CNTN4: variants seen among roughly 807,000 people sequenced by gnomAD.
The protein encoded by CNTN4 is contactin-4.
Under a neutral mutation model 122.5 loss-of-function variants are expected in CNTN4, and 77 were observed. That is an observed-to-expected ratio of 0.63 (90% CI 0.52 to 0.76). The LOEUF (loss-of-function observed/expected upper bound fraction) is 0.76. CNTN4 is among the 30% of genes least tolerant of loss of function. The pLI, the probability that CNTN4 is intolerant of heterozygous loss-of-function variation, is 0.00. For synonymous variants in CNTN4, 512 were observed against 447.0 expected (o/e 1.15, Z -1.83); for missense variants, 1,256 against 1,259.1 (o/e 1.00, Z 0.04).
intron 2 of CNTN4, among the ~76,000 whole-genome samples, chr3:2,277,116 T>C (rs940904224): frequency 1.3e-5 from 2 of 152,196 alleles, no homozygotes; most frequent in Admixed American, 6.5e-5. Flanking sequence ...GGGAGATATG[T>C]GTTTTAGAAC....
intron 3 of CNTN4, among the ~76,000 whole-genome samples, chr3:2,367,493 A>C (rs1391068768): frequency 6.6e-6 from 1 of 152,200 alleles, no homozygotes; most frequent in Admixed American, 6.5e-5. Context: ...TACTGATGGA[A>C]AAATGTCACT....
At chr3:2,690,998 G>A (rs1047865880) in intron 4 of CNTN4, among the ~76,000 whole-genome samples, 1 of 152,136 alleles carries the variant, frequency 6.6e-6, no homozygotes, top group Admixed American at 6.6e-5. Context: ...TACAGTATAG[G>A]GAAGACCACG....
intron 2 of CNTN4, among the ~76,000 whole-genome samples, chr3:2,316,623 A>T (rs1327857296): frequency 6.6e-6 from 1 of 152,136 alleles, no homozygotes; most frequent in Non-Finnish European, 1.5e-5. Context: ...TGCTTATCAC[A>T]TTGGTATGAC....
At chr3:2,861,660 T>A (rs1435971811) in intron 7 of CNTN4, among the ~76,000 whole-genome samples, 1 of 152,196 alleles carries the variant, frequency 6.6e-6, no homozygotes. Flanking sequence ...AACTCTAATA[T>A]CTTCCTTCTA....
At chr3:2,245,424 A>G (rs1399702396) in intron 2 of CNTN4, among the ~76,000 whole-genome samples, 1 of 152,046 alleles carries the variant, frequency 6.6e-6, no homozygotes, top group Non-Finnish European at 1.5e-5. Flanking sequence ...ATCACAATTC[A>G]TAGATTCTCA....
intron 4 of CNTN4, among the ~76,000 whole-genome samples, chr3:2,576,650 C>T (rs569624546): frequency 4.6e-5 from 7 of 151,458 alleles, no homozygotes; most frequent in Non-Finnish European, 1.0e-4. Flanking sequence ...CAGGTTCAAG[C>T]GATTCTACTG....
intron 3 of CNTN4, among the ~76,000 whole-genome samples, chr3:2,506,862 G>T (rs2076744275): frequency 6.6e-6 from 1 of 152,018 alleles, no homozygotes; most frequent in Non-Finnish European, 1.5e-5. Flanking sequence ...AGTGATACTT[G>T]GTTTTCTGAG....
intron 2 of CNTN4, among the ~76,000 whole-genome samples, chr3:2,297,171 G>T (rs2042344285): frequency 6.6e-6 from 1 of 152,126 alleles, no homozygotes; most frequent in Non-Finnish European, 1.5e-5. Flanking sequence ...GTTTATTACT[G>T]AGATTTTTCC....
chr3:3,056,000 C>A, intron 24 of CNTN4, 120 bp from the exon 25 acceptor site: 1 of 690,238 alleles, frequency 1.4e-6, no homozygotes, highest in South Asian at 1.8e-5. Context: ...GCCATTAAGA[C>A]CTTGATCATC....
At chr3:2,633,070 G>C (rs897569463) in intron 4 of CNTN4, among the ~76,000 whole-genome samples, 1 of 150,544 alleles carries the variant, frequency 6.6e-6, no homozygotes, top group African/African-American at 2.4e-5. Flanking sequence ...TCTGCCTTTC[G>C]CTTCAAGTTG....
intron 12 of CNTN4, among the ~76,000 whole-genome samples, chr3:2,905,267 A>G (rs895160065): frequency 2.6e-5 from 4 of 152,262 alleles, no homozygotes; most frequent in Non-Finnish European, 4.4e-5. Flanking sequence ...TTAAGCTGCT[A>G]TAACAAAAAT....
At chr3:2,912,343 C>T (rs1054781615) in intron 12 of CNTN4, among the ~76,000 whole-genome samples, 1 of 152,130 alleles carries the variant, frequency 6.6e-6, no homozygotes, top group Admixed American at 6.5e-5. Flanking sequence ...TAAAACTGTC[C>T]TTCCAAAATG....
chr3:2,380,532 T>C (rs1181310635), intron 3 of CNTN4, among the ~76,000 whole-genome samples: 1 of 152,226 alleles, frequency 6.6e-6, no homozygotes, highest in Non-Finnish European at 1.5e-5. Flanking sequence ...TTTGCAAATT[T>C]TAATTGGTTT....
chr3:3,053,824 C>G lies in CNTN4; in HGVS notation c.2829C>G (p.Asn943Lys). The change falls in exon 24 of 25, where the codon AAC becomes AAG. Residue 943 changes from asparagine to lysine, a missense_variant. By Grantham distance (94) the Asn-to-Lys change is moderately conservative (BLOSUM62 0). Transcript: ENST00000418658. ...ATTGGCAGGTCTTGTACAGATGGAACAGACAAAGCAGCACATCTGTCATTG... is the reference window on the plus strand; with the variant it reads ...ATTGGCAGGTCTTGTACAGATGGAAGAGACAAAGCAGCACATCTGTCATTG... Reference protein sequence around the residue: ...VKGYKVLYRWNRQSSTSVIET... With the variant: ...VKGYKVLYRWKRQSSTSVIET... 1 of 1,614,148 alleles carries G rather than the reference C, an allele frequency of 6.2e-7. No individual in the cohort carries two copies. Among genetic ancestry groups the G allele is most frequent in the Middle Eastern group, 1.7e-4 (1 of 6,060 alleles).
intron 3 of CNTN4, among the ~76,000 whole-genome samples, chr3:2,416,017 C>T (rs1201094578): frequency 6.6e-6 from 1 of 151,920 alleles, no homozygotes; most frequent in Non-Finnish European, 1.5e-5. Flanking sequence ...AATCAATAGC[C>T]ATTTAATAAG....
chr3:2,743,138 TAAATTCCACACTCTG>T (rs2089555274), intron 5 of CNTN4, among the ~76,000 whole-genome samples: 1 of 152,108 alleles, frequency 6.6e-6, no homozygotes, highest in Non-Finnish European at 1.5e-5. Flanking sequence ...GCCCCACTCC[TAAATTCCACACTCTG>T]CTTGCAGCTC....
chr3:2,855,597 A>G (rs1282331117), intron 7 of CNTN4, among the ~76,000 whole-genome samples: 2 of 152,226 alleles, frequency 1.3e-5, no homozygotes, highest in Non-Finnish European at 2.9e-5. Flanking sequence ...TTCCTTGTGC[A>G]TAGAGATGTC....
rs764892365 is a variant in CNTN4 at position 2,524,962 on chromosome 3, T to C, written c.-88-46454T>C. Reference sequence around the variant, plus strand: ...GGAAACTCTCAACCTGTCTCTAAAATCCAGAGTTTGAAGATGCAGTAAGGT... The same window carrying C: ...GGAAACTCTCAACCTGTCTCTAAAACCCAGAGTTTGAAGATGCAGTAAGGT... On this transcript the variant is annotated intron_variant, in intron 3 of 24. Coordinates refer to ENST00000418658, the MANE Select transcript of CNTN4 (RefSeq NM_175607.3). 6.2e-4 allele frequency among the ~76,000 whole-genome samples: 95 copies of C among 152,182 alleles called. 1 individual carries two copies. Among genetic ancestry groups the C allele is most frequent in the African/African-American group, 1.7e-3 (70 of 41,516 alleles).
chr3:3,011,777 C>T (rs147134500), intron 14 of CNTN4, among the ~76,000 whole-genome samples: 1 of 152,210 alleles, frequency 6.6e-6, no homozygotes, highest in Non-Finnish European at 1.5e-5. Flanking sequence ...CTTCCTCTCA[C>T]TAAATTTTCC....
Sources: gnomAD v4.1 joint callset for allele counts (sites outside exome capture counted in the v4.1 genomes callset) on GRCh38, gnomAD v4.1.1 for gene constraint, MANE v1.5 for transcripts, NCBI Gene and HGNC (gene_info 2026-07-23, HGNC 2026-07-21) for gene names.